Variants in SEC62 observed in about 807,000 individuals in gnomAD.
The protein encoded by SEC62 is SEC62 preprotein translocation factor, also known as translocation protein SEC62.
SEC62 carries 10 observed loss-of-function variants against 47.5 expected under a neutral mutation model. That is an observed-to-expected ratio of 0.21 (90% CI 0.13 to 0.36). The LOEUF (loss-of-function observed/expected upper bound fraction) is 0.36. SEC62 is among the 10% of genes least tolerant of loss of function. The pLI, the probability that SEC62 is intolerant of heterozygous loss-of-function variation, is 1.00. For missense variants in SEC62, 327 were observed against 464.1 expected (o/e 0.70, Z 2.71); for synonymous variants, 136 against 150.5 (o/e 0.90, Z 0.71).
Position 169,966,872 on chromosome 3 carries a change from G to A in SEC62, c.36+14G>A. ...AAGCGGATCCAGGTAGCAAAGCCGA[G>A]CTCTGGGCAGGGGGCTTCGGCGCGC... On this transcript the variant is annotated intron_variant, in intron 1 of 7. Transcript: ENST00000337002. 1 of 1,554,648 alleles carries A rather than the reference G, an allele frequency of 6.4e-7. No homozygotes were observed. The highest frequency in any genetic ancestry group is 1.9e-5 in the Admixed American group (1 of 51,394).
At position 169,992,740 on chromosome 3, in the gene SEC62, T is replaced by G; in HGVS notation, c.877T>G (p.Leu293Val). 1 of 1,613,884 alleles carries G rather than the reference T, an allele frequency of 6.2e-7. No individual in the cohort carries two copies. The highest frequency in any genetic ancestry group is 8.5e-7 in the Non-Finnish European group (1 of 1,180,010). The change falls in exon 8 of 8, where the codon TTA becomes GTA. Residue 293 changes from leucine to valine, a missense_variant. This residue lies in a region of SEC62 where 99 missense variants were observed against 194.0 expected (regional missense o/e 0.51). Transcript: ENST00000337002. The surrounding 1 kb of genome is among the most constrained non-coding windows in gnomAD (Gnocchi z 4.0). ...THEYKGPKAD[L>V]KKDEKSETKK... ...TGAATACAAAGGACCAAAAGCAGACTTAAAGAAAGATGAGAAGTCTGAAAC... is the reference window on the plus strand; with the variant it reads ...TGAATACAAAGGACCAAAAGCAGACGTAAAGAAAGATGAGAAGTCTGAAAC...
chr3:169,989,343 A>G (rs542068189), intron 7 of SEC62, among the ~76,000 whole-genome samples: 9 of 148,174 alleles, frequency 6.1e-5, no homozygotes, highest in African/African-American at 1.0e-4. Context: ...TGGCCTCCCA[A>G]AGTGTTGGGA....
intron 1 of SEC62, among the ~76,000 whole-genome samples, chr3:169,971,478 T>C (rs1226058919): frequency 6.6e-6 from 1 of 152,220 alleles, no homozygotes; most frequent in East Asian, 1.9e-4. Context: ...GGATAAGTTA[T>C]TATAAGTTAA....
chr3:169,974,948 A>G (rs1392277556), intron 1 of SEC62, among the ~76,000 whole-genome samples: 1 of 152,166 alleles, frequency 6.6e-6, no homozygotes, highest in Non-Finnish European at 1.5e-5. Context: ...CACTATTAGC[A>G]ACATCTTATC....
At chr3:169,990,682 T>G (rs1422620739) in intron 7 of SEC62, among the ~76,000 whole-genome samples, 1 of 152,216 alleles carries the variant, frequency 6.6e-6, no homozygotes, top group East Asian at 1.9e-4. Context: ...TTAAATTCAT[T>G]ATCTCTGTTT....
chr3:169,976,955 C>A lies in SEC62; in HGVS notation c.155C>A (p.Ala52Glu). ...TGAATTTCTTCTTTAGCTTCAAAAG[C>A]AGTGGACTGTCTTTTGGATTCAAAG... ...HRVDYFIASKAVDCLLDSKWA... is the reference protein window; with the variant it reads ...HRVDYFIASKEVDCLLDSKWA... Residue 52 changes from alanine (A) to glutamate (E), a missense_variant, in exon 3 of 8, where the codon GCA becomes GAA. Transcript: ENST00000337002. The A allele has an allele frequency of 6.2e-7, 1 of 1,601,074 alleles. No homozygotes were observed. The highest frequency in any genetic ancestry group is 1.1e-5 in the South Asian group (1 of 88,982).
rs1434050786 is a variant in SEC62 at position 169,993,473 on chromosome 3, G to A, written c.*410G>A. ...TGCATAGTTATGTAGCCATTTCACA[G>A]TTTCTTTAAGATGTGTAAACTCATT... is the stretch of plus-strand genomic sequence containing the variant. On this transcript the variant is annotated 3_prime_UTR_variant, in exon 8 of 8. Coordinates refer to ENST00000337002, the MANE Select transcript of SEC62 (RefSeq NM_003262.4). The A allele has an allele frequency of 6.4e-6, 1 of 156,758 alleles. No homozygotes were observed. Among genetic ancestry groups the A allele is most frequent in the Non-Finnish European group, 1.4e-5 (1 of 70,962 alleles). The allele number at this position is 156,758 out of a possible 1,614,324, so 9.7% of individuals were successfully genotyped here. A position where few individuals can be genotyped will look rare whatever the true frequency, so the allele number is the denominator to read the frequency against.
chr3:169,970,369 A>G (rs138864876), intron 1 of SEC62, among the ~76,000 whole-genome samples: 191 of 152,308 alleles, frequency 1.3e-3, no homozygotes, highest in African/African-American at 4.4e-3. Context: ...TGCTCAGTTC[A>G]TGGTTGACAG....
chr3:169,970,293 T>C (rs114591927), intron 1 of SEC62, among the ~76,000 whole-genome samples: 112 of 152,378 alleles, frequency 7.4e-4, no homozygotes, highest in African/African-American at 2.5e-3. Flanking sequence ...CAGATCTTAT[T>C]GTTAAACTAC....
At chr3:169,979,871 G>A (rs140961505) in intron 3 of SEC62, among the ~76,000 whole-genome samples, 1 of 151,946 alleles carries the variant, frequency 6.6e-6, no homozygotes, top group East Asian at 1.9e-4. Flanking sequence ...ATACTTTATT[G>A]TAACTCCATA....
rs376006301 is a variant in SEC62, at chr3:169,988,214, T to C, written c.611-26T>C. The C allele has an allele frequency of 1.2e-3, 1,972 of 1,612,634 alleles. 26 individuals carry two copies. The South Asian group carries it at 0.02, about 16-fold the overall frequency. ...ACCATTTAAGTTTTTATTCTAAAATTTAACTTTTGTCATTTCTTGTTCCAG... is the reference window on the plus strand; with the variant it reads ...ACCATTTAAGTTTTTATTCTAAAATCTAACTTTTGTCATTTCTTGTTCCAG... On this transcript the variant is annotated intron_variant, in intron 6 of 7. Coordinates refer to ENST00000337002, the MANE Select transcript of SEC62 (RefSeq NM_003262.4).
chr3:169,985,783 C>A, intron 5 of SEC62, 22 bp from the exon 6 acceptor site: 1 of 1,595,440 alleles, frequency 6.3e-7, no homozygotes, highest in Non-Finnish European at 8.5e-7. Context: ...TTTTAAGCAC[C>A]GAGGTTTCTT....
rs1027472577 is a variant in SEC62, at chr3:169,988,454, T to G, written c.730+95T>G. 8 of 1,345,158 alleles carry G rather than the reference T, an allele frequency of 5.9e-6. No homozygotes were observed. The African/African-American group carries it at 1.2e-4, about 19-fold the overall frequency. 83.3% of individuals were successfully genotyped at this position (1,345,158 alleles called of 1,614,324 possible). On this transcript the variant is annotated intron_variant, in intron 7 of 7. Coordinates refer to ENST00000337002, the MANE Select transcript of SEC62 (RefSeq NM_003262.4). ...TTCAGTAAAGCTTAAGAAAAATTAATGGAGGTAAATCAAGAAATATATGGT... is the reference window on the plus strand; with the variant it reads ...TTCAGTAAAGCTTAAGAAAAATTAAGGGAGGTAAATCAAGAAATATATGGT...
intron 7 of SEC62, among the ~76,000 whole-genome samples, chr3:169,990,778 G>A (rs1308849249): frequency 6.6e-6 from 1 of 152,140 alleles, no homozygotes; most frequent in Non-Finnish European, 1.5e-5. Context: ...GTGTACAGGA[G>A]TCTTTCAGAA....
intron 1 of SEC62, chr3:169,968,484 CA>C (rs1196297479): frequency 6.7e-6 from 1 of 149,470 alleles, no homozygotes; most frequent in African/African-American, 2.5e-5. Context: ...TAACTTTGAG[CA>C]AGTTAATTTT....
chr3:169,992,960 TAAC>T lies in SEC62; in HGVS notation c.1100_1102del (p.Thr367del). ...GGAAATGGAAATGATTTTGAAATGA[TAAC>T]AAAAGAGGAACTGGAACAGCAAACA... On this transcript the variant is annotated inframe_deletion, in exon 8 of 8. Transcript: ENST00000337002. The surrounding 1 kb of genome is among the most constrained non-coding windows in gnomAD (Gnocchi z 4.0). 6.2e-7 allele frequency: 1 copy of T among 1,613,856 alleles called. No individual in the cohort carries two copies.
intron 1 of SEC62, chr3:169,968,282 C>T (rs190024180): frequency 1.3e-5 from 2 of 152,308 alleles, no homozygotes; most frequent in East Asian, 3.9e-4. Context: ...CTTCAATACA[C>T]ATTGTTTTAC....
chr3:169,977,625 T>A (rs375928464), intron 3 of SEC62, among the ~76,000 whole-genome samples: 1 of 152,186 alleles, frequency 6.6e-6, no homozygotes, highest in South Asian at 2.1e-4. Context: ...GAAAAAACTT[T>A]TGATGTTAAG....
At chr3:169,991,466 T>C (rs779517759) in intron 7 of SEC62, among the ~76,000 whole-genome samples, 2 of 151,992 alleles carry the variant, frequency 1.3e-5, no homozygotes, top group South Asian at 2.1e-4. Flanking sequence ...ATGATAGATA[T>C]AGACCTGTAA....
Sources: allele counts gnomAD v4.1 joint callset (sites outside exome capture counted in the v4.1 genomes callset), GRCh38; gene constraint gnomAD v4.1.1; regional missense constraint gnomAD v4.1.1; non-coding constraint Gnocchi (gnomAD v3.1); transcripts MANE v1.5; gene names NCBI Gene and HGNC (gene_info 2026-07-23, HGNC 2026-07-21).